Variants in NDEL1 observed in about 807,000 individuals in gnomAD.
NDEL1 encodes the protein nudE neurodevelopment protein 1 like 1.
Under a neutral mutation model 45.7 loss-of-function variants are expected in NDEL1, and 9 were observed. That is an observed-to-expected ratio of 0.20 (90% confidence interval 0.12 to 0.34). The LOEUF (loss-of-function observed/expected upper bound fraction) is 0.34, where lower values mean the gene tolerates loss of function less well. Among genes scored for constraint, NDEL1 ranks in the 10% least tolerant of loss-of-function variants. NDEL1 has a pLI of 1.00. For missense variants in NDEL1, 306 were observed against 406.2 expected (o/e 0.75, Z 2.12); for synonymous variants, 133 against 158.6 (o/e 0.84, Z 1.21).
intron 1 of NDEL1, among the ~76,000 whole-genome samples, chr17:8,442,209 T>G (rs1216204468): frequency 1.3e-5 from 2 of 152,198 alleles, no homozygotes; most frequent in Non-Finnish European, 2.9e-5. Flanking sequence ...TGGCTGCCCA[T>G]GTATCGGATT....
chr17:8,452,740 C>CTTTTTTTTTTTTTTTTTTTTTT, intron 6 of NDEL1, among the ~76,000 whole-genome samples: 3 of 95,628 alleles, frequency 3.1e-5, no homozygotes, highest in Admixed American at 1.3e-4. Flanking sequence ...TTTTTCTTCT[C>CTTTTTTTTTTTTTTTTTTTTTT]TTTTTTTTTT....
downstream of NDEL1, among the ~76,000 whole-genome samples, chr17:8,471,795 C>G (rs926573107): frequency 2.0e-5 from 3 of 152,192 alleles, no homozygotes; most frequent in Non-Finnish European, 4.4e-5. Context: ...TGGCAGGTGC[C>G]TACAGAAGGA....
At chr17:8,470,865 C>T (rs541769670), downstream of NDEL1, among the ~76,000 whole-genome samples, 2 of 152,178 alleles carry the variant, frequency 1.3e-5, no homozygotes, top group Admixed American at 6.5e-5. This position sits in a 1 kb window ranked among gnomAD's most constrained non-coding sequence, Gnocchi z 4.2. Context: ...CTCCTGTGCC[C>T]GCTGCGCATG....
chr17:8,452,496 T>C (rs1786774913), intron 6 of NDEL1, among the ~76,000 whole-genome samples: 2 of 152,114 alleles, frequency 1.3e-5, no homozygotes, highest in South Asian at 4.1e-4. Flanking sequence ...ATAGCATGAA[T>C]TTTCACTGGC....
intron 1 of NDEL1, among the ~76,000 whole-genome samples, chr17:8,415,069 A>C (rs112901445): frequency 5.4e-4 from 82 of 151,286 alleles, no homozygotes; most frequent in African/African-American, 2.0e-3. Context: ...TCTTGTGTGA[A>C]TCCTCTCTCT....
intron 1 of NDEL1, among the ~76,000 whole-genome samples, chr17:8,439,535 T>C (rs1232519897): frequency 6.6e-6 from 1 of 152,072 alleles, no homozygotes; most frequent in African/African-American, 2.4e-5. Context: ...ATTATAGGCA[T>C]GAGCCACCGC....
intron 1 of NDEL1, among the ~76,000 whole-genome samples, chr17:8,417,995 C>T (rs957467633): frequency 4.6e-5 from 7 of 152,204 alleles, no homozygotes; most frequent in Non-Finnish European, 8.8e-5. Flanking sequence ...TTTAGCCCCA[C>T]CCTACCTTGC....
At chr17:8,471,556 G>A (rs564947172), downstream of NDEL1, among the ~76,000 whole-genome samples, 1 of 152,314 alleles carries the variant, frequency 6.6e-6, no homozygotes, top group African/African-American at 2.4e-5. Context: ...GTTACCTCTC[G>A]AATAAGGCTT....
At chr17:8,451,094 A>C in intron 6 of NDEL1, 141 bp downstream of exon 6, 1 of 658,600 alleles carries the variant, frequency 1.5e-6, no homozygotes, top group Non-Finnish European at 2.3e-6. Flanking sequence ...AAATAGAAGA[A>C]GGAATTGTTT....
intron 3 of NDEL1, among the ~76,000 whole-genome samples, chr17:8,473,919 C>T (rs181577588): frequency 3.0e-4 from 46 of 152,336 alleles, no homozygotes; most frequent in Admixed American, 1.4e-3. Flanking sequence ...CAGCAGTGAG[C>T]TTCATTGGCT....
chr17:8,414,636 T>C (rs537655226), intron 1 of NDEL1, among the ~76,000 whole-genome samples: 10 of 152,100 alleles, frequency 6.6e-5, no homozygotes, highest in East Asian at 5.8e-4. Context: ...CACTGCACTC[T>C]AGCCTGGACG....
At chr17:8,466,512 T>C (rs1250465588) in intron 8 of NDEL1, 2 of 159,300 alleles carry the variant, frequency 1.3e-5, no homozygotes, top group Non-Finnish European at 2.7e-5. Flanking sequence ...CTTTTTCCAC[T>C]TAGTGTTAGT....
At chr17:8,448,757 A>G in intron 5 of NDEL1, 71 bp downstream of exon 5, 3 of 1,406,950 alleles carry the variant, frequency 2.1e-6, no homozygotes, top group Non-Finnish European at 1.9e-6. Context: ...GGGCCCACTT[A>G]TACTCTGATT....
downstream of NDEL1, among the ~76,000 whole-genome samples, chr17:8,473,161 CCA>C (rs1161358833): frequency 1.3e-5 from 2 of 152,050 alleles, no homozygotes; most frequent in African/African-American, 4.8e-5. Flanking sequence ...GACGTGAACA[CCA>C]GTTAGATCAG....
At chr17:8,423,466 C>G (rs1200814978) in intron 1 of NDEL1, among the ~76,000 whole-genome samples, 1 of 152,104 alleles carries the variant, frequency 6.6e-6, no homozygotes, top group Non-Finnish European at 1.5e-5. Context: ...GGCAGATTGC[C>G]TGAGGCCAGG....
At chr17:8,441,369 T>G (rs915400113) in intron 1 of NDEL1, among the ~76,000 whole-genome samples, 1 of 152,126 alleles carries the variant, frequency 6.6e-6, no homozygotes, top group African/African-American at 2.4e-5. Flanking sequence ...GAGAATACAA[T>G]TTTGTTCGCC....
chr17:8,466,853 C>T (rs372055354), intron 8 of NDEL1, 77 bp from the exon 9 acceptor site: 24 of 1,383,032 alleles, frequency 1.7e-5, no homozygotes, highest in Non-Finnish European at 2.5e-5. Context: ...AGATTAATTT[C>T]CTATTGTGTG....
chr17:8,466,712 A>G (rs1025005241), intron 8 of NDEL1: 8 of 573,498 alleles, frequency 1.4e-5, no homozygotes, highest in Admixed American at 3.3e-5. Context: ...CAGTTGCCAA[A>G]CAGGTCATGT....
intron 1 of NDEL1, among the ~76,000 whole-genome samples, chr17:8,419,104 G>A (rs1469358594): frequency 1.3e-5 from 2 of 152,030 alleles, no homozygotes; most frequent in Non-Finnish European, 2.9e-5. Context: ...CCTGCCTGGG[G>A]CTCTCAGAGT....
Sources: allele counts gnomAD v4.1 joint callset (sites outside exome capture counted in the v4.1 genomes callset), GRCh38; gene constraint gnomAD v4.1.1; non-coding constraint Gnocchi (gnomAD v3.1); transcripts MANE v1.5; gene names NCBI Gene and HGNC (gene_info 2026-07-23, HGNC 2026-07-21).